NKAIN3: variants seen among roughly 807,000 people sequenced by gnomAD.
NKAIN3 encodes the protein sodium/potassium-transporting ATPase subunit beta-1-interacting protein 3.
In NKAIN3, 25 loss-of-function variants were observed where a neutral mutation model predicts 30.2. The ratio of observed to expected loss-of-function variants is 0.83; its 90% confidence interval spans 0.60 to 1.16. The LOEUF is 1.16. NKAIN3 is among the 50% of genes most tolerant of loss of function. The probability of loss-of-function intolerance (pLI) is 0.00; values close to 1 mark genes in which losing one functional copy is unlikely to be tolerated. For missense variants in NKAIN3, 225 were observed against 254.1 expected (o/e 0.89, Z 0.78); for synonymous variants, 91 against 89.6 (o/e 1.02, Z -0.09).
Position 62,867,566 on chromosome 8 carries a change from G to A in NKAIN3, c.472-50887G>A, listed in dbSNP as rs536348927. Among the ~76,000 whole-genome samples, 4 of 152,272 alleles carry A rather than the reference G, an allele frequency of 2.6e-5. No homozygotes were observed. In the East Asian group the frequency reaches 7.7e-4, roughly 29 times the overall value. On this transcript the variant is annotated intron_variant, in intron 4 of 6. Coordinates refer to ENST00000623646, the MANE Select transcript of NKAIN3 (RefSeq NM_001304533.3). ...GTCTGTCATAGCTCAAAAGACTTAT[G>A]CAAGAGGAACCAAAAGCCTCCACTC... is the stretch of plus-strand genomic sequence containing the variant.
At chr8:62,879,358 T>A (rs576489851) in intron 4 of NKAIN3, among the ~76,000 whole-genome samples, 3 of 152,308 alleles carry the variant, frequency 2.0e-5, no homozygotes, top group East Asian at 3.9e-4. Context: ...TTGATGGGGC[T>A]GTTTGTTTTT....
chr8:62,248,933 G>A lies in NKAIN3; in HGVS notation c.-141G>A, dbSNP rs1811982215. ...ACTAACAAAGGCGGGCGCGAGCCCC[G>A]AGCCCTGGAGCCGCGAGCGGCGGCC... On this transcript the variant is annotated 5_prime_UTR_variant, in exon 1 of 7. Transcript: ENST00000623646. 1 of 693,310 alleles carries A rather than the reference G, an allele frequency of 1.4e-6. No homozygotes were observed. The highest frequency in any genetic ancestry group is 2.3e-6 in the Non-Finnish European group (1 of 443,888). 42.9% of individuals were successfully genotyped at this position (693,310 alleles called of 1,614,324 possible).
chr8:62,675,542 C>A (rs920744090), intron 3 of NKAIN3, among the ~76,000 whole-genome samples: 1 of 152,178 alleles, frequency 6.6e-6, no homozygotes, highest in African/African-American at 2.4e-5. Context: ...ACCACCCACA[C>A]CAGTGGTATG....
At chr8:62,995,759 T>C (rs1480048547) in intron 5 of NKAIN3, among the ~76,000 whole-genome samples, 1 of 152,208 alleles carries the variant, frequency 6.6e-6, no homozygotes, top group African/African-American at 2.4e-5. Context: ...TTGTTCACCA[T>C]AGATATATAA....
intron 2 of NKAIN3, among the ~76,000 whole-genome samples, chr8:62,586,730 T>C (rs16929214): frequency 0.014 from 2,091 of 152,172 alleles, 42 homozygotes; most frequent in African/African-American, 0.043. Flanking sequence ...TTTATTTCCA[T>C]TAAAAAATGC....
intron 4 of NKAIN3, among the ~76,000 whole-genome samples, chr8:62,834,695 A>G (rs1250412625): frequency 6.6e-6 from 1 of 152,152 alleles, no homozygotes; most frequent in Non-Finnish European, 1.5e-5. Context: ...ACACAAACAA[A>G]TGGAAAAACA....
intron 1 of NKAIN3, among the ~76,000 whole-genome samples, chr8:62,440,306 G>A (rs1001046724): frequency 6.6e-6 from 1 of 152,102 alleles, no homozygotes; most frequent in Non-Finnish European, 1.5e-5. Flanking sequence ...ACCAATCAAA[G>A]GATTCTTGTC....
At chr8:62,676,921 A>G (rs926924542) in intron 3 of NKAIN3, among the ~76,000 whole-genome samples, 8 of 152,024 alleles carry the variant, frequency 5.3e-5, no homozygotes, top group Non-Finnish European at 8.8e-5. Flanking sequence ...ATCTTGTCAT[A>G]TTGCCCAGGC....
In NKAIN3 at chr8:62,489,961, C is replaced by A. The variant is rs1170535119; in HGVS notation, c.55-89578C>A. Among the ~76,000 whole-genome samples the A allele has an allele frequency of 2.6e-5, 4 of 152,102 alleles. No homozygotes were observed. In the East Asian group the frequency reaches 7.7e-4, roughly 29 times the overall value. On this transcript the variant is annotated intron_variant, in intron 1 of 6. Coordinates refer to ENST00000623646, the MANE Select transcript of NKAIN3 (RefSeq NM_001304533.3). ...TAAGGTATCTGAGCTTCAGCTTTTT[C>A]TTTTATAAATAAGCCCTTATTCAAT...
intron 3 of NKAIN3, among the ~76,000 whole-genome samples, chr8:62,592,418 A>G (rs1403661161): frequency 2.0e-5 from 3 of 152,098 alleles, no homozygotes; most frequent in Non-Finnish European, 2.9e-5. Context: ...TAGGATCCTC[A>G]TTAACATTTA....
chr8:62,273,678 G>A (rs138897636), intron 1 of NKAIN3, among the ~76,000 whole-genome samples: 1 of 152,266 alleles, frequency 6.6e-6, no homozygotes, highest in Non-Finnish European at 1.5e-5. Flanking sequence ...AATATAACAG[G>A]CTTTTAGGAA....
intron 1 of NKAIN3, among the ~76,000 whole-genome samples, chr8:62,400,613 CT>C (rs968122161): frequency 9.2e-5 from 14 of 151,572 alleles, no homozygotes; most frequent in Admixed American, 1.3e-4. Flanking sequence ...AATCCCTCAG[CT>C]TTTTTTTGTC....
intron 3 of NKAIN3, among the ~76,000 whole-genome samples, chr8:62,645,842 A>G (rs896065552): frequency 6.6e-6 from 1 of 152,110 alleles, no homozygotes; most frequent in Non-Finnish European, 1.5e-5. Context: ...CCACAAAGCA[A>G]TTTTTAAGAA....
At chr8:62,773,841 C>G (rs922022754) in intron 4 of NKAIN3, among the ~76,000 whole-genome samples, 3 of 152,072 alleles carry the variant, frequency 2.0e-5, no homozygotes, top group African/African-American at 7.2e-5. Context: ...TAGGATATGC[C>G]TTTATTAGCA....
chr8:62,853,055 A>G (rs10087371), intron 4 of NKAIN3, among the ~76,000 whole-genome samples: 16,853 of 152,014 alleles, frequency 0.11, 1,003 homozygotes, highest in African/African-American at 0.15. Flanking sequence ...ACAGTGGGGT[A>G]ACAAAGTCTC....
At chr8:62,479,084 C>A (rs1373737302) in intron 1 of NKAIN3, among the ~76,000 whole-genome samples, 2 of 152,132 alleles carry the variant, frequency 1.3e-5, no homozygotes, top group Non-Finnish European at 2.9e-5. Flanking sequence ...AGGTGCTAGC[C>A]TCATGAGGCC....
chr8:62,826,366 AT>A (rs973934016), intron 4 of NKAIN3, among the ~76,000 whole-genome samples: 29 of 152,276 alleles, frequency 1.9e-4, no homozygotes, highest in African/African-American at 7.0e-4. Flanking sequence ...GGCCTTATGC[AT>A]TTATTATGAT....
intron 2 of NKAIN3, among the ~76,000 whole-genome samples, chr8:62,582,185 A>C (rs1186390712): frequency 4.3e-5 from 6 of 138,312 alleles, no homozygotes; most frequent in Non-Finnish European, 7.7e-5. Context: ...TCTTTCCTTT[A>C]CTCACTTCTT....
chr8:62,727,660 A>G (rs1362971253), intron 3 of NKAIN3, among the ~76,000 whole-genome samples: 1 of 152,180 alleles, frequency 6.6e-6, no homozygotes, highest in Non-Finnish European at 1.5e-5. Context: ...GATCTTTATG[A>G]GGAAAACTAC....
Sources: allele counts gnomAD v4.1 joint callset (sites outside exome capture counted in the v4.1 genomes callset), GRCh38; gene constraint gnomAD v4.1.1; transcripts MANE v1.5; gene names NCBI Gene and HGNC (gene_info 2026-07-23, HGNC 2026-07-21).